PPP1R1C: variants seen among roughly 807,000 people sequenced by gnomAD.
PPP1R1C encodes the protein protein phosphatase 1 regulatory subunit 1C.
In PPP1R1C, 15 loss-of-function variants were observed where a neutral mutation model predicts 17.4. That is an observed-to-expected ratio of 0.86 (90% confidence interval 0.58 to 1.33). The LOEUF is 1.33. PPP1R1C is among the 40% of genes most tolerant of loss of function. The pLI is 0.00. For synonymous variants in PPP1R1C, 35 were observed against 43.1 expected (o/e 0.81, Z 0.73); for missense variants, 143 against 130.0 (o/e 1.10, Z -0.48).
chr2:182,061,469 C>A lies in PPP1R1C; in HGVS notation c.170C>A (p.Thr57Lys). Reference protein sequence around the residue: ...PEIDDKRGPNTQGELQNASPK... With the variant: ...PEIDDKRGPNKQGELQNASPK... ...ATAGATGACAAGAGGGGGCCCAACA[C>A]ACAAGGGGAAGTAAGTTTTTAAAAA... Residue 57 changes from threonine to lysine, a missense_variant, in exon 3 of 5, where the codon ACA becomes AAA. Thr to Lys is a moderately conservative substitution (Grantham distance 78). Coordinates refer to ENST00000682840, the MANE Select transcript of PPP1R1C (RefSeq NM_001080545.3). The A allele has an allele frequency of 6.8e-7, 1 of 1,467,860 alleles. No individual in the cohort carries two copies. The highest frequency in any genetic ancestry group is 9.0e-7 in the Non-Finnish European group (1 of 1,111,808). The allele number at this position is 1,467,860 out of a possible 1,614,324, so 90.9% of individuals were successfully genotyped here.
rs920643232 is a variant in PPP1R1C, at chr2:182,101,868, G to A, written c.242-15339G>A. On this transcript the variant is annotated intron_variant, in intron 4 of 4. Coordinates refer to ENST00000682840, the MANE Select transcript of PPP1R1C (RefSeq NM_001080545.3). The stretch of plus-strand genomic sequence containing the variant: ...TCTGGGCCAGTAACTAGGTGGGGAG[G>A]AGACTAGAAGAGAGCAGCTCAGGAA... 2.0e-5 allele frequency among the ~76,000 whole-genome samples: 3 copies of A among 152,272 alleles called. No individual in the cohort carries two copies. The East Asian group carries it at 5.8e-4, about 29-fold the overall frequency.
Position 181,961,072 on chromosome 2 carries a change from G to T in PPP1R1C, n.111+6438G>T, listed in dbSNP as rs913269816. 2 of 522,506 alleles carry T rather than the reference G, an allele frequency of 3.8e-6. No individual in the cohort carries two copies. Among genetic ancestry groups the T allele is most frequent in the Non-Finnish European group, 6.9e-6 (2 of 290,430 alleles). The allele number at this position is 522,506 out of a possible 1,614,324, so 32.4% of individuals were successfully genotyped here. On this transcript the variant is annotated intron_variant and non_coding_transcript_variant, in intron 1 of 5. Coordinates refer to the PPP1R1C transcript ENST00000464264. The surrounding 1 kb of genome is among the most constrained non-coding windows in gnomAD (Gnocchi z 5.8). ...GAAGAGGGACAACTGCAAAATAAAG[G>T]CTGTAACAGGAGCGTGTGTCACATC...
At chr2:182,122,219 T>TA (rs5836817), downstream of PPP1R1C, among the ~76,000 whole-genome samples, 40,931 of 151,584 alleles carry the variant, frequency 0.27, 6,681 homozygotes, top group African/African-American at 0.46. Flanking sequence ...AGGGTATTTA[T>TA]AAAAAAAAAT....
intron 4 of PPP1R1C, among the ~76,000 whole-genome samples, chr2:182,115,288 G>C (rs916011809): frequency 6.6e-6 from 1 of 152,124 alleles, no homozygotes; most frequent in Non-Finnish European, 1.5e-5. Context: ...TGGGTCAGCA[G>C]CCAAAAAGCT....
intron 1 of PPP1R1C, among the ~76,000 whole-genome samples, chr2:181,987,101 G>C (rs1212897150): frequency 1.3e-5 from 2 of 151,960 alleles, no homozygotes; most frequent in African/African-American, 2.4e-5. Flanking sequence ...ATGCTGAATG[G>C]GATGTTGCTT....
At chr2:181,981,185 C>T (rs959474603), upstream of PPP1R1C, among the ~76,000 whole-genome samples, 15 of 152,150 alleles carry the variant, frequency 9.9e-5, no homozygotes, top group South Asian at 2.1e-4. Context: ...GCCTCGGCCT[C>T]CCAAAGTGCT....
chr2:181,983,091 T>C (rs1574351083), upstream of PPP1R1C, among the ~76,000 whole-genome samples: 2 of 152,220 alleles, frequency 1.3e-5, no homozygotes, highest in East Asian at 3.8e-4. Context: ...TTCATTCATA[T>C]ACCACGTCAT....
chr2:182,053,490 C>A (rs1405105042), intron 2 of PPP1R1C, among the ~76,000 whole-genome samples: 1 of 151,998 alleles, frequency 6.6e-6, no homozygotes, highest in African/African-American at 2.4e-5. Flanking sequence ...TACTTCCATG[C>A]CTTTGCCTTT....
intron 4 of PPP1R1C, among the ~76,000 whole-genome samples, chr2:182,095,257 C>T (rs1688898716): frequency 6.6e-6 from 1 of 151,978 alleles, no homozygotes; most frequent in African/African-American, 2.4e-5. Context: ...TGAGATCGTG[C>T]CACTGTATTC....
chr2:182,090,368 A>G (rs1040861659), intron 4 of PPP1R1C, among the ~76,000 whole-genome samples: 1 of 151,874 alleles, frequency 6.6e-6, no homozygotes, highest in African/African-American at 2.4e-5. Flanking sequence ...ACAGAAAGAG[A>G]TGAAGCTGTG....
At chr2:182,085,277 C>T (rs76590108) in intron 4 of PPP1R1C, among the ~76,000 whole-genome samples, 1 of 152,126 alleles carries the variant, frequency 6.6e-6, no homozygotes, top group East Asian at 1.9e-4. Flanking sequence ...ATTGCTCTGG[C>T]TAGGACTTCC....
chr2:182,112,986 G>A (rs1335253739), intron 4 of PPP1R1C, among the ~76,000 whole-genome samples: 3 of 152,088 alleles, frequency 2.0e-5, no homozygotes, highest in Non-Finnish European at 4.4e-5. Context: ...GTAACTTATA[G>A]TACTCAAAAC....
At chr2:182,106,668 G>A (rs941784111) in intron 4 of PPP1R1C, among the ~76,000 whole-genome samples, 46 of 152,278 alleles carry the variant, frequency 3.0e-4, no homozygotes, top group African/African-American at 1.1e-3. Flanking sequence ...GATACAGAAA[G>A]CCCTCTGTCT....
intron 1 of PPP1R1C, among the ~76,000 whole-genome samples, chr2:181,968,428 C>T (rs1684945176): frequency 6.6e-6 from 1 of 152,076 alleles, no homozygotes; most frequent in Non-Finnish European, 1.5e-5. Context: ...TAAAATGGAC[C>T]TCTTTTTCAT....
At chr2:182,118,498 C>A (rs1689648898), downstream of PPP1R1C, among the ~76,000 whole-genome samples, 1 of 152,054 alleles carries the variant, frequency 6.6e-6, no homozygotes. Flanking sequence ...AAAAAGATTT[C>A]TCAAAAGTCA....
intron 2 of PPP1R1C, among the ~76,000 whole-genome samples, chr2:181,996,297 G>C (rs1403515247): frequency 6.6e-6 from 1 of 151,876 alleles, no homozygotes; most frequent in African/African-American, 2.4e-5. Flanking sequence ...GGAGGGAAAG[G>C]CATGTCCTAA....
chr2:182,022,780 G>GTA (rs1686465963), intron 2 of PPP1R1C, among the ~76,000 whole-genome samples: 1 of 152,116 alleles, frequency 6.6e-6, no homozygotes, highest in Non-Finnish European at 1.5e-5. Flanking sequence ...AAGAATAAGT[G>GTA]TATCTCCCTT....
downstream of PPP1R1C, among the ~76,000 whole-genome samples, chr2:182,122,380 A>T (rs1689754975): frequency 6.6e-6 from 1 of 152,182 alleles, no homozygotes; most frequent in Non-Finnish European, 1.5e-5. Flanking sequence ...TATTAGAAGA[A>T]ATACATATCC....
chr2:182,051,968 A>C (rs963364786), intron 2 of PPP1R1C, among the ~76,000 whole-genome samples: 3 of 151,622 alleles, frequency 2.0e-5, no homozygotes, highest in East Asian at 1.9e-4. Flanking sequence ...GCGCCGTTGC[A>C]CTCCAGCCTG....
Sources: allele counts gnomAD v4.1 joint callset (sites outside exome capture counted in the v4.1 genomes callset), GRCh38; gene constraint gnomAD v4.1.1; non-coding constraint Gnocchi (gnomAD v3.1); transcripts MANE v1.5; gene names NCBI Gene and HGNC (gene_info 2026-07-23, HGNC 2026-07-21).